The following WNT7B variants were observed in gnomAD, a reference collection of about 807,000 sequenced individuals.
WNT7B encodes protein Wnt-7b.
Under a neutral mutation model 38.2 loss-of-function variants are expected in WNT7B, and 19 were observed. That is an observed-to-expected ratio of 0.50 (90% CI 0.35 to 0.73). The LOEUF (loss-of-function observed/expected upper bound fraction) is 0.73. Ranked by LOEUF, WNT7B falls within the 30% of genes least tolerant of loss-of-function variation. The pLI is 0.01. For missense variants in WNT7B, 423 were observed against 507.9 expected (o/e 0.83, Z 1.61); for synonymous variants, 243 against 209.3 (o/e 1.16, Z -1.39).
intron 3 of WNT7B, chr22:45,925,622 G>C: frequency 2.0e-6 from 2 of 985,222 alleles, no homozygotes; most frequent in Non-Finnish European, 2.4e-6. Flanking sequence ...GTTCATCTCT[G>C]CTGGGATCTG....
At chr22:45,936,954 C>T (rs993529768) in intron 2 of WNT7B, among the ~76,000 whole-genome samples, 5 of 152,232 alleles carry the variant, frequency 3.3e-5, no homozygotes, top group African/African-American at 4.8e-5. Context: ...AAGCTCCCTG[C>T]CACTTCCTAG....
At chr22:45,972,116 G>GGGGGGGCGCCCCCCC in intron 1 of WNT7B, 1 of 530,746 alleles carries the variant, frequency 1.9e-6, no homozygotes, top group Non-Finnish European at 3.3e-6. Flanking sequence ...CCCGGGGGGA[G>GGGGGGGCGCCCCCCC]CCCACCCGCC....
intron 2 of WNT7B, 26 bp downstream of exon 2, chr22:45,949,894 C>A: frequency 6.3e-7 from 1 of 1,591,452 alleles, no homozygotes; most frequent in Non-Finnish European, 8.6e-7. Flanking sequence ...AATGGCTGGG[C>A]CCCTTGAGCC....
At chr22:45,937,047 G>A (rs1931531163) in intron 2 of WNT7B, among the ~76,000 whole-genome samples, 1 of 152,186 alleles carries the variant, frequency 6.6e-6, no homozygotes, top group African/African-American at 2.4e-5. Flanking sequence ...AGGAGGAGGT[G>A]GGAGAGGTAC....
At chr22:45,923,430 G>A (rs1426704589) in intron 3 of WNT7B, 95 bp from the exon 4 acceptor site, 19 of 1,481,430 alleles carry the variant, frequency 1.3e-5, no homozygotes, top group Admixed American at 2.3e-5. Flanking sequence ...CCTGGAGCCC[G>A]CTCCTCCCCT....
At chr22:45,948,272 T>C (rs568079345) in intron 2 of WNT7B, among the ~76,000 whole-genome samples, 1 of 152,266 alleles carries the variant, frequency 6.6e-6, no homozygotes, top group East Asian at 1.9e-4. Flanking sequence ...CCCTCCCCAC[T>C]GGGGTGGATG....
In WNT7B at chr22:45,950,221, C is replaced by A. The variant is rs144607292; in HGVS notation, c.72-75G>T. The A allele has an allele frequency of 1.1e-3, 1,434 of 1,300,572 alleles. 14 individuals carry two copies. Among genetic ancestry groups the A allele is most frequent in the South Asian group, 0.011 (842 of 78,934 alleles). The allele number at this position is 1,300,572 out of a possible 1,614,324, so 80.6% of individuals were successfully genotyped here. On this transcript the variant is annotated intron_variant, in intron 1 of 3. Transcript: ENST00000339464. ...CTCCTCACCCCCAACACCTTTCCCC[C>A]ACTCAGCCTCTCAGTCACAGGCCCT...
At position 45,975,570 on chromosome 22, in the gene WNT7B, G is replaced by T. The variant is rs1350568921; in HGVS notation, c.71+1114C>A. Reference sequence around the variant, plus strand: ...CTGTAAAATGGCGGGGCAGACATGGGATGGAGGGTGATGGAGAGACGATTC... The same window carrying T: ...CTGTAAAATGGCGGGGCAGACATGGTATGGAGGGTGATGGAGAGACGATTC... On this transcript the variant is annotated intron_variant, in intron 1 of 3. Transcript: ENST00000339464. The surrounding 1 kb of genome is among the most constrained non-coding windows in gnomAD (Gnocchi z 6.6). 2 of 717,028 alleles carry T rather than the reference G, an allele frequency of 2.8e-6. No homozygotes were observed. The highest frequency in any genetic ancestry group is 5.2e-6 in the Non-Finnish European group (2 of 384,782). 44.4% of individuals were successfully genotyped at this position (717,028 alleles called of 1,614,324 possible).
At chr22:45,943,089 G>A (rs79345475) in intron 2 of WNT7B, among the ~76,000 whole-genome samples, 2 of 151,738 alleles carry the variant, frequency 1.3e-5, no homozygotes, top group Non-Finnish European at 2.9e-5. Flanking sequence ...ACGTGTGTGC[G>A]TGTGTTTGTG....
Position 45,921,779 on chromosome 22 carries a change from GAGAC to G in WNT7B, c.*1073_*1076del, listed in dbSNP as rs1343709960. ...TGATATTATTTTCTTTTCTTTTTTTGAGACAGAGTCGTGCTCTGTCACCCAAGTT... is the reference window on the plus strand; with the variant it reads ...TGATATTATTTTCTTTTCTTTTTTTGAGAGTCGTGCTCTGTCACCCAAGTT... On this transcript the variant is annotated 3_prime_UTR_variant, in exon 4 of 4. Transcript: ENST00000339464. 4 of 152,118 alleles carry G rather than the reference GAGAC, an allele frequency of 2.6e-5. No homozygotes were observed. In the East Asian group the frequency reaches 7.7e-4, roughly 29 times the overall value. 9.4% of individuals were successfully genotyped at this position (152,118 alleles called of 1,614,324 possible).
At chr22:45,942,266 G>A (rs545459266) in intron 2 of WNT7B, among the ~76,000 whole-genome samples, 1 of 152,346 alleles carries the variant, frequency 6.6e-6, no homozygotes, top group South Asian at 2.1e-4. Context: ...GTGGCTGTTG[G>A]GCACAGAAGC....
In WNT7B at chr22:45,926,990, C is replaced by T. The variant is rs1031336676; in HGVS notation, c.571-3655G>A. ...AGCTAAGGGGGTTCCCACCCCCTGGCTCCAGGAGCTGGTGGAACTCCACAG... is the reference window on the plus strand; with the variant it reads ...AGCTAAGGGGGTTCCCACCCCCTGGTTCCAGGAGCTGGTGGAACTCCACAG... On this transcript the variant is annotated intron_variant, in intron 3 of 3. Transcript: ENST00000339464. The T allele has an allele frequency of 5.8e-5, 57 of 985,458 alleles. No individual in the cohort carries two copies. The African/African-American group carries it at 8.7e-4, about 15-fold the overall frequency. 61.0% of individuals were successfully genotyped at this position (985,458 alleles called of 1,614,324 possible).
intron 3 of WNT7B, among the ~76,000 whole-genome samples, chr22:45,929,518 G>C (rs966276552): frequency 5.1e-5 from 5 of 97,884 alleles, no homozygotes; most frequent in African/African-American, 1.7e-4. Context: ...CAATACTTCC[G>C]TCCATCTTTC....
chr22:45,957,028 C>T (rs918431326), intron 1 of WNT7B, among the ~76,000 whole-genome samples: 1 of 151,044 alleles, frequency 6.6e-6, no homozygotes. Flanking sequence ...ATCGCTTGAA[C>T]CAGGCAGTTG....
chr22:45,948,020 C>T (rs754478246), intron 2 of WNT7B, among the ~76,000 whole-genome samples: 3 of 152,234 alleles, frequency 2.0e-5, no homozygotes, highest in Non-Finnish European at 2.9e-5. Context: ...AAAGTCCAAG[C>T]TCCCAGCCCT....
At position 45,960,437 on chromosome 22, in the gene WNT7B, G is replaced by A. The variant is rs1372318339; in HGVS notation, c.72-10291C>T. 2.7e-5 allele frequency among the ~76,000 whole-genome samples: 4 copies of A among 150,750 alleles called. No individual in the cohort carries two copies. The East Asian group carries it at 8.0e-4, about 30-fold the overall frequency. On this transcript the variant is annotated intron_variant, in intron 1 of 3. Transcript: ENST00000339464. ...CCAGAATTGCCCAGCACCTGGCCAGGCCCTACGCTCACCTTGGTCATGAGC... is the reference window on the plus strand; with the variant it reads ...CCAGAATTGCCCAGCACCTGGCCAGACCCTACGCTCACCTTGGTCATGAGC...
chr22:45,957,546 T>C (rs1646871350), intron 1 of WNT7B, among the ~76,000 whole-genome samples: 1 of 151,418 alleles, frequency 6.6e-6, no homozygotes, highest in Non-Finnish European at 1.5e-5. Flanking sequence ...AAGCTAGGCA[T>C]GGTGGTGCAC....
chr22:45,957,681 T>C (rs1449233057), intron 1 of WNT7B, among the ~76,000 whole-genome samples: 1 of 10,218 alleles, frequency 9.8e-5, no homozygotes, highest in Non-Finnish European at 1.7e-4. Context: ...AGACTCCGTC[T>C]CAAAAAAAAA....
intron 3 of WNT7B, among the ~76,000 whole-genome samples, chr22:45,924,538 C>T (rs982511002): frequency 1.3e-5 from 2 of 152,340 alleles, no homozygotes; most frequent in Non-Finnish European, 2.9e-5. Context: ...ATGGATGAGT[C>T]GGAGCTCGTT....
Sources: allele counts gnomAD v4.1 joint callset (sites outside exome capture counted in the v4.1 genomes callset), GRCh38; gene constraint gnomAD v4.1.1; non-coding constraint Gnocchi (gnomAD v3.1); transcripts MANE v1.5; gene names NCBI Gene and HGNC (gene_info 2026-07-23, HGNC 2026-07-21).